Variants in SDK1 observed in about 807,000 individuals in gnomAD.
SDK1 encodes the protein sidekick cell adhesion molecule 1.
SDK1 carries 157 observed loss-of-function variants against 245.5 expected under a neutral mutation model. That is an observed-to-expected ratio of 0.64 (90% CI 0.56 to 0.73). The LOEUF (loss-of-function observed/expected upper bound fraction) is 0.73, where lower values mean the gene tolerates loss of function less well. SDK1 is among the 30% of genes least tolerant of loss of function. The probability of loss-of-function intolerance (pLI) is 0.00; values close to 1 mark genes in which losing one functional copy is unlikely to be tolerated. For synonymous variants in SDK1, 1,647 were observed against 1,278.5 expected (o/e 1.29, Z -6.15); for missense variants, 3,583 against 3,002.3 (o/e 1.19, Z -4.52).
intron 14 of SDK1, among the ~76,000 whole-genome samples, chr7:3,991,598 G>T (rs1171849270): frequency 6.6e-6 from 1 of 152,122 alleles, no homozygotes; most frequent in East Asian, 1.9e-4. Context: ...ACTCAGAAGG[G>T]GACAGAGAAC....
At chr7:3,991,533 G>T (rs1784322954) in intron 14 of SDK1, among the ~76,000 whole-genome samples, 1 of 152,202 alleles carries the variant, frequency 6.6e-6, no homozygotes, top group Non-Finnish European at 1.5e-5. Context: ...TGTGACACCA[G>T]CACAGTGCCT....
At chr7:3,605,411 G>A (rs1166947171) in intron 1 of SDK1, among the ~76,000 whole-genome samples, 5 of 152,184 alleles carry the variant, frequency 3.3e-5, no homozygotes, top group Non-Finnish European at 7.3e-5. Context: ...GCCCACAGTC[G>A]TCAGTGAACT....
chr7:3,321,778 C>CCTTCTCCT (rs1554257335), intron 1 of SDK1, among the ~76,000 whole-genome samples: 1 of 50,376 alleles, frequency 2.0e-5, no homozygotes, highest in Admixed American at 2.4e-4. Context: ...TTCCTTCCTT[C>CCTTCTCCT]TCCTTCCTTC....
intron 4 of SDK1, among the ~76,000 whole-genome samples, chr7:3,744,194 T>C (rs190820985): frequency 6.6e-6 from 1 of 152,204 alleles, no homozygotes; most frequent in Admixed American, 6.5e-5. Flanking sequence ...GTTTCTCAAA[T>C]GCCATCTCCC....
chr7:3,625,647 A>G (rs1182248213), intron 2 of SDK1, among the ~76,000 whole-genome samples: 1 of 152,218 alleles, frequency 6.6e-6, no homozygotes, highest in Non-Finnish European at 1.5e-5. Flanking sequence ...GCCCACTCTA[A>G]TGGGTGAAAG....
intron 1 of SDK1, among the ~76,000 whole-genome samples, chr7:3,438,717 C>G (rs1780101903): frequency 6.6e-6 from 1 of 152,140 alleles, no homozygotes; most frequent in African/African-American, 2.4e-5. Context: ...CCTCAGTAAA[C>G]TCTTAATCTT....
At position 4,022,655 on chromosome 7, in the gene SDK1, C is replaced by A. The variant is rs191015585; in HGVS notation, c.2602+5303C>A. Among the ~76,000 whole-genome samples, 124 of 152,200 alleles carry A rather than the reference C, an allele frequency of 8.1e-4. 1 individual carries two copies. Among genetic ancestry groups the A allele is most frequent in the African/African-American group, 2.7e-3 (113 of 41,538 alleles). On this transcript the variant is annotated intron_variant, in intron 17 of 44. Coordinates refer to ENST00000404826, the MANE Select transcript of SDK1 (RefSeq NM_152744.4). The stretch of plus-strand genomic sequence containing the variant: ...CTTCTAGAGCATACATTTTTGGTCT[C>A]AAATGTGTTTCCTTCCAGGCAACTC...
intron 1 of SDK1, among the ~76,000 whole-genome samples, chr7:3,394,766 A>G (rs900046242): frequency 2.0e-5 from 3 of 152,024 alleles, no homozygotes; most frequent in Admixed American, 6.6e-5. Flanking sequence ...TTTTAATGCT[A>G]TTGTGAATGT....
intron 1 of SDK1, among the ~76,000 whole-genome samples, chr7:3,400,451 T>C (rs1184186455): frequency 1.3e-5 from 2 of 152,056 alleles, no homozygotes; most frequent in African/African-American, 4.8e-5. Flanking sequence ...TTATAACAAG[T>C]GAAAAAGTAA....
At chr7:3,794,046 C>T (rs1778896531) in intron 4 of SDK1, among the ~76,000 whole-genome samples, 1 of 152,186 alleles carries the variant, frequency 6.6e-6, no homozygotes, top group South Asian at 2.1e-4. Flanking sequence ...TATGTTTCAT[C>T]TTTAAGAAGC....
At chr7:3,580,713 A>T (rs1780451372) in intron 1 of SDK1, among the ~76,000 whole-genome samples, 1 of 152,176 alleles carries the variant, frequency 6.6e-6, no homozygotes, top group South Asian at 2.1e-4. Flanking sequence ...TCACGCCTGT[A>T]ATCCCAGCAT....
chr7:3,781,802 A>C (rs1780752566), intron 4 of SDK1, among the ~76,000 whole-genome samples: 1 of 152,240 alleles, frequency 6.6e-6, no homozygotes, highest in Non-Finnish European at 1.5e-5. Flanking sequence ...CTTCAGCAGA[A>C]GACACTGTCG....
chr7:3,466,335 G>C (rs1366967123), intron 1 of SDK1, among the ~76,000 whole-genome samples: 2 of 151,288 alleles, frequency 1.3e-5, no homozygotes, highest in Non-Finnish European at 2.9e-5. Flanking sequence ...CCTGGATGCT[G>C]CTTCTCAAAA....
At chr7:3,467,684 C>T (rs941191508) in intron 1 of SDK1, among the ~76,000 whole-genome samples, 12 of 151,944 alleles carry the variant, frequency 7.9e-5, no homozygotes, top group Non-Finnish European at 1.3e-4. Context: ...TCAATTTCTT[C>T]GTTTGTGATT....
intron 19 of SDK1, among the ~76,000 whole-genome samples, chr7:4,061,794 A>G (rs1265221944): frequency 1.3e-5 from 2 of 151,984 alleles, no homozygotes; most frequent in African/African-American, 4.8e-5. Context: ...ATGGAATACT[A>G]TGCAGCCATA....
intron 4 of SDK1, among the ~76,000 whole-genome samples, chr7:3,710,655 A>T (rs531759006): frequency 2.6e-5 from 4 of 152,212 alleles, no homozygotes. Flanking sequence ...ACTCTCGTAA[A>T]TTACTCTTGC....
chr7:3,789,132 G>A (rs969892742), intron 4 of SDK1, among the ~76,000 whole-genome samples: 1 of 152,092 alleles, frequency 6.6e-6, no homozygotes, highest in African/African-American at 2.4e-5. Context: ...ACTAACCGGG[G>A]AAAGTAATTC....
chr7:3,949,304 C>G (rs755263674), intron 5 of SDK1, among the ~76,000 whole-genome samples: 2 of 152,328 alleles, frequency 1.3e-5, no homozygotes, highest in East Asian at 3.9e-4. Context: ...CATCAGGCTT[C>G]TGTTTTTCTT....
intron 1 of SDK1, among the ~76,000 whole-genome samples, chr7:3,399,198 A>G (rs924819039): frequency 6.6e-6 from 1 of 151,632 alleles, no homozygotes; most frequent in Non-Finnish European, 1.5e-5. Context: ...GTATCTTTGA[A>G]TTTGCTGGGT....
Sources: allele counts gnomAD v4.1 joint callset (sites outside exome capture counted in the v4.1 genomes callset), GRCh38; gene constraint gnomAD v4.1.1; transcripts MANE v1.5; gene names NCBI Gene and HGNC (gene_info 2026-07-23, HGNC 2026-07-21).